DLG1: variants seen among roughly 807,000 people sequenced by gnomAD.
DLG1 encodes disks large homolog 1.
DLG1 carries 42 observed loss-of-function variants against 123.4 expected under a neutral mutation model. The ratio of observed to expected loss-of-function variants is 0.34; its 90% confidence interval spans 0.27 to 0.44. DLG1 has a LOEUF of 0.44. Ranked by LOEUF, DLG1 falls within the 20% of genes least tolerant of loss-of-function variation. The pLI is 1.00. For missense variants in DLG1, 942 were observed against 1,082.6 expected, an observed-to-expected ratio of 0.87 and a Z score of 1.82; for synonymous variants, 317 against 356.2, an observed-to-expected ratio of 0.89 and a Z score of 1.24.
At chr3:197,165,322 AC>A (rs1800880052) in intron 5 of DLG1, among the ~76,000 whole-genome samples, 1 of 152,192 alleles carries the variant, frequency 6.6e-6, no homozygotes, top group Non-Finnish European at 1.5e-5. Flanking sequence ...GACTCCTGTT[AC>A]CTGGATTTAT....
rs180988246 is a variant in DLG1 at position 197,283,848 on chromosome 3, T to G, written c.152-1003A>C. On this transcript the variant is annotated intron_variant, in intron 3 of 24. Coordinates refer to ENST00000667157, the MANE Select transcript of DLG1 (RefSeq NM_001366207.1). Reference sequence around the variant, plus strand: ...AATAGAGACAAACTTAACTCCCTTTTCAGTTGGGTTGTTTTTTTTTTTTTT... The same window carrying G: ...AATAGAGACAAACTTAACTCCCTTTGCAGTTGGGTTGTTTTTTTTTTTTTT... 1.1e-3 allele frequency among the ~76,000 whole-genome samples: 165 copies of G among 149,104 alleles called. 1 individual carries two copies. Among genetic ancestry groups the G allele is most frequent in the African/African-American group, 3.6e-3 (148 of 40,658 alleles).
intron 3 of DLG1, among the ~76,000 whole-genome samples, chr3:197,288,741 A>ATACAC (rs1213910267): frequency 5.8e-4 from 37 of 63,434 alleles, no homozygotes; most frequent in African/African-American, 2.6e-3. Context: ...AAAAAAAAAA[A>ATACAC]AAATACATAC....
chr3:197,138,099 C>T, intron 9 of DLG1, 123 bp downstream of exon 9: 1 of 501,800 alleles, frequency 2.0e-6, no homozygotes, highest in Non-Finnish European at 3.2e-6. Flanking sequence ...AAATTAAAAT[C>T]CACTCAAGTT....
chr3:197,050,361 C>A, intron 24 of DLG1, among the ~76,000 whole-genome samples: 1 of 129,100 alleles, frequency 7.7e-6, no homozygotes, highest in Non-Finnish European at 1.7e-5. Flanking sequence ...AGCCAGACTC[C>A]ATTTCAAAAA....
intron 12 of DLG1, 62 bp from the exon 13 acceptor site, chr3:197,116,145 TG>T: frequency 3.0e-6 from 4 of 1,313,668 alleles, no homozygotes; most frequent in South Asian, 1.3e-5. Flanking sequence ...ATTCTATCAG[TG>T]AGAACTACCT....
chr3:197,059,170 C>T (rs1461778445), intron 23 of DLG1, among the ~76,000 whole-genome samples: 2 of 152,174 alleles, frequency 1.3e-5, no homozygotes, highest in Non-Finnish European at 2.9e-5. Flanking sequence ...CGTGATCTGC[C>T]CGCCTCAGCC....
chr3:197,113,455 C>G (rs778349082), intron 13 of DLG1, among the ~76,000 whole-genome samples: 1 of 152,086 alleles, frequency 6.6e-6, no homozygotes, highest in African/African-American at 2.4e-5. Flanking sequence ...CTAGGTATGT[C>G]TTCTTGATGA....
rs562094599 is a variant in DLG1 at position 197,142,732 on chromosome 3, T to C, written c.574A>G (p.Ile192Val). ...GTDADYEYEE[I>V]TLERGNSGLG... ...ATAGTTTTTACCCTTTCAAGTGTGA[T>C]TTCTTCATATTCATAATCTGCATCT... is the stretch of plus-strand genomic sequence containing the variant. Residue 192 changes from isoleucine to valine, a missense_variant, in exon 7 of 25, where the codon ATC becomes GTC. Transcript: ENST00000667157. The C allele has an allele frequency of 1.7e-4, 272 of 1,608,374 alleles. 2 individuals are homozygous for C. The South Asian group carries it at 2.0e-3, about 12-fold the overall frequency.
At chr3:197,044,792 T>C (rs763082514) in intron 24 of DLG1, 63 bp from the exon 25 acceptor site, 22 of 1,038,824 alleles carry the variant, frequency 2.1e-5, no homozygotes, top group African/African-American at 4.9e-5. Context: ...ATTACAATTA[T>C]TGATGAAATA....
chr3:197,202,914 C>T (rs544737601), intron 4 of DLG1, among the ~76,000 whole-genome samples: 2 of 140,334 alleles, frequency 1.4e-5, no homozygotes, highest in South Asian at 4.6e-4. Context: ...AGTCTAACCA[C>T]TGTTAGATTT....
At chr3:197,241,689 G>A (rs1330302116) in intron 4 of DLG1, among the ~76,000 whole-genome samples, 1 of 152,148 alleles carries the variant, frequency 6.6e-6, no homozygotes, top group Non-Finnish European at 1.5e-5. Flanking sequence ...TGAATTCTTA[G>A]AGGGAGGGAT....
At chr3:197,281,198 C>T (rs1194135276) in intron 4 of DLG1, among the ~76,000 whole-genome samples, 1 of 152,044 alleles carries the variant, frequency 6.6e-6, no homozygotes, top group Non-Finnish European at 1.5e-5. Context: ...ACACCATGCT[C>T]AGCTAATTTT....
chr3:197,174,629 T>A (rs1457329140), intron 5 of DLG1, among the ~76,000 whole-genome samples: 1 of 152,196 alleles, frequency 6.6e-6, no homozygotes, highest in Non-Finnish European at 1.5e-5. Context: ...TTTGTTTTCT[T>A]TCTATCTTAC....
chr3:197,202,835 A>G (rs1204660841), intron 4 of DLG1, among the ~76,000 whole-genome samples: 1 of 152,328 alleles, frequency 6.6e-6, no homozygotes, highest in South Asian at 2.1e-4. Context: ...TCTCAAAGGG[A>G]TCTGGGAAAA....
chr3:197,273,212 A>ATG (rs1259305833), intron 4 of DLG1, among the ~76,000 whole-genome samples: 1 of 125,418 alleles, frequency 8.0e-6, no homozygotes, highest in Non-Finnish European at 1.8e-5. Flanking sequence ...GTGTGTGTGT[A>ATG]TGTGTGTGTA....
At chr3:197,109,630 A>C (rs1004801272) in intron 13 of DLG1, among the ~76,000 whole-genome samples, 5 of 152,152 alleles carry the variant, frequency 3.3e-5, no homozygotes, top group African/African-American at 1.2e-4. Context: ...GTTACTCTCT[A>C]GTTTCCTTTC....
At chr3:197,114,779 G>A (rs752616008) in intron 13 of DLG1, among the ~76,000 whole-genome samples, 2 of 151,990 alleles carry the variant, frequency 1.3e-5, no homozygotes, top group Non-Finnish European at 2.9e-5. Context: ...TCAGGAGATC[G>A]AGACCATCCT....
At chr3:197,133,474 T>C (rs1455373929) in intron 10 of DLG1, among the ~76,000 whole-genome samples, 2 of 151,998 alleles carry the variant, frequency 1.3e-5, no homozygotes, top group East Asian at 3.9e-4. Flanking sequence ...AATACATGAG[T>C]GGTGTTTTTT....
rs570079189 is a variant in DLG1, at chr3:197,293,368, T to C, written c.151+2978A>G. Among the ~76,000 whole-genome samples the C allele has an allele frequency of 3.3e-5, 5 of 152,370 alleles. No homozygotes were observed. The South Asian group carries it at 1.0e-3, about 32-fold the overall frequency. On this transcript the variant is annotated intron_variant, in intron 3 of 24. Coordinates refer to ENST00000667157, the MANE Select transcript of DLG1 (RefSeq NM_001366207.1). Reference sequence around the variant, plus strand: ...TCTTTAAGCCATCCTTCAAAGATACTACCAAGTATCTATCAGCACTAGACC... The same window carrying C: ...TCTTTAAGCCATCCTTCAAAGATACCACCAAGTATCTATCAGCACTAGACC...
Sources: gnomAD v4.1 joint callset for allele counts (sites outside exome capture counted in the v4.1 genomes callset) on GRCh38, gnomAD v4.1.1 for gene constraint, MANE v1.5 for transcripts, NCBI Gene and HGNC (gene_info 2026-07-23, HGNC 2026-07-21) for gene names.